Variants in HSPBAP1 observed in about 807,000 individuals in gnomAD.
HSPBAP1 encodes the protein HSPB1-associated protein 1.
HSPBAP1 carries 27 observed loss-of-function variants against 45.2 expected under a neutral mutation model. That is an observed-to-expected ratio of 0.60 (90% CI 0.44 to 0.82). The LOEUF is 0.82. Ranked by LOEUF, HSPBAP1 falls within the 40% of genes least tolerant of loss-of-function variation. The pLI is 0.00. For missense variants in HSPBAP1, 510 were observed against 590.9 expected (o/e 0.86, Z 1.42); for synonymous variants, 204 against 202.7 (o/e 1.01, Z -0.06).
intron 2 of HSPBAP1, among the ~76,000 whole-genome samples, chr3:122,772,463 A>C (rs1935036422): frequency 6.6e-6 from 1 of 152,194 alleles, no homozygotes; most frequent in Admixed American, 6.5e-5. Context: ...TATGCGGCCC[A>C]AAAACCGATG....
intron 3 of HSPBAP1, among the ~76,000 whole-genome samples, chr3:122,766,919 A>G (rs60087488): frequency 5.3e-5 from 8 of 152,202 alleles, no homozygotes; most frequent in Non-Finnish European, 1.2e-4. Flanking sequence ...AAGTAAGTAC[A>G]TGATCAATGT....
intron 1 of HSPBAP1, among the ~76,000 whole-genome samples, chr3:122,787,302 A>G (rs1014088146): frequency 6.6e-6 from 1 of 152,242 alleles, no homozygotes; most frequent in South Asian, 2.1e-4. Flanking sequence ...AATGTAAAGT[A>G]CAAGATAATT....
chr3:122,761,761 T>G (rs532068242), intron 3 of HSPBAP1: 2 of 141,360 alleles, frequency 1.4e-5, no homozygotes, highest in East Asian at 4.1e-4. Flanking sequence ...CACTCCAGCC[T>G]GAGTGCCTGA....
intron 6 of HSPBAP1, chr3:122,741,516 G>A (rs1364713507): frequency 5.8e-6 from 1 of 172,722 alleles, no homozygotes; most frequent in Admixed American, 5.5e-5. Flanking sequence ...AACATGCTTG[G>A]CTACAAGAAT....
In HSPBAP1 at chr3:122,742,083, C is replaced by T. The variant is rs114548142; in HGVS notation, c.826-970G>A. ...GAAACATGTACAAGAATATTCTGTT[C>T]ATAGAAGCAAAAAATTGAACACTGA... On this transcript the variant is annotated intron_variant, in intron 6 of 7. Coordinates refer to ENST00000306103, the MANE Select transcript of HSPBAP1 (RefSeq NM_024610.6). Among the ~76,000 whole-genome samples, 1,205 of 151,060 alleles carry T rather than the reference C, an allele frequency of 8.0e-3. 9 individuals are homozygous for T. The highest frequency in any genetic ancestry group is 0.026 in the African/African-American group (1,052 of 41,212).
intron 6 of HSPBAP1, among the ~76,000 whole-genome samples, chr3:122,746,976 G>A (rs980440137): frequency 6.6e-6 from 1 of 152,062 alleles, no homozygotes; most frequent in African/African-American, 2.4e-5. Flanking sequence ...CCAGGCTGGA[G>A]TGCAGTGGCG....
chr3:122,791,875 T>C (rs2107547938), intron 1 of HSPBAP1, among the ~76,000 whole-genome samples: 1 of 152,278 alleles, frequency 6.6e-6, no homozygotes, highest in Non-Finnish European at 1.5e-5. Flanking sequence ...GAATTTTACA[T>C]AAGGAAGAGT....
chr3:122,785,965 CT>C (rs1935642710), intron 1 of HSPBAP1, among the ~76,000 whole-genome samples: 1 of 151,996 alleles, frequency 6.6e-6, no homozygotes, highest in South Asian at 2.1e-4. Context: ...TGCCCTCATC[CT>C]TTTCTATATA....
intron 5 of HSPBAP1, chr3:122,753,851 T>C (rs924824466): frequency 3.0e-6 from 3 of 984,882 alleles, no homozygotes; most frequent in African/African-American, 1.7e-5. Context: ...ATGGATAGGA[T>C]GTAAGGAAAA....
At chr3:122,747,029 T>C (rs1298879381) in intron 6 of HSPBAP1, among the ~76,000 whole-genome samples, 3 of 152,132 alleles carry the variant, frequency 2.0e-5, no homozygotes, top group African/African-American at 7.2e-5. Flanking sequence ...GCCGCCTGCC[T>C]TGGCCTCCCA....
chr3:122,779,527 A>G (rs1003333970), intron 1 of HSPBAP1, among the ~76,000 whole-genome samples: 105 of 61,270 alleles, frequency 1.7e-3, no homozygotes, highest in African/African-American at 4.7e-3. Flanking sequence ...TTTATTTTTT[A>G]TTGATCATTC....
intron 6 of HSPBAP1, 142 bp downstream of exon 6, chr3:122,752,449 G>A (rs574508794): frequency 4.9e-5 from 27 of 549,474 alleles, no homozygotes; most frequent in Non-Finnish European, 5.1e-5. Context: ...GAATGCATAC[G>A]TTATAGTGCA....
chr3:122,751,570 T>C (rs1934137219), intron 6 of HSPBAP1, among the ~76,000 whole-genome samples: 1 of 152,206 alleles, frequency 6.6e-6, no homozygotes, highest in African/African-American at 2.4e-5. Context: ...TCAAATATTT[T>C]AAAAAGATGA....
intron 4 of HSPBAP1, chr3:122,758,844 G>A: frequency 2.2e-6 from 1 of 447,358 alleles, no homozygotes. Flanking sequence ...TCATGCCATT[G>A]CACTCCAGCC....
intron 4 of HSPBAP1, among the ~76,000 whole-genome samples, chr3:122,757,101 C>T (rs944933287): frequency 2.0e-5 from 3 of 151,854 alleles, no homozygotes; most frequent in Admixed American, 2.0e-4. Flanking sequence ...ATAATGATAA[C>T]CATCCCATCC....
chr3:122,785,840 T>TATAGATAGATAG (rs60587307), intron 1 of HSPBAP1, among the ~76,000 whole-genome samples: 12,882 of 151,610 alleles, frequency 0.085, 601 homozygotes, highest in Middle Eastern at 0.17. Flanking sequence ...AGTAGCCAAA[T>TATAGATAGATAG]ATAGATAGAT....
chr3:122,782,791 T>A (rs1935530402), intron 1 of HSPBAP1, among the ~76,000 whole-genome samples: 1 of 152,220 alleles, frequency 6.6e-6, no homozygotes, highest in Non-Finnish European at 1.5e-5. Context: ...CCCAACCTTC[T>A]TCTCTACGAT....
In HSPBAP1 at chr3:122,740,881, G is replaced by A. The variant is rs370824544; in HGVS notation, c.937-6C>T. ...GCATGGGACGTTTCCTCAACCTAAG[G>A]GAAGAGAAAAACCTTTTAAAATGGT... On this transcript the variant is annotated splice_region_variant and splice_polypyrimidine_tract_variant and intron_variant, in intron 7 of 7. Coordinates refer to ENST00000306103, the MANE Select transcript of HSPBAP1 (RefSeq NM_024610.6). The A allele has an allele frequency of 1.2e-6, 2 of 1,612,478 alleles. No homozygotes were observed. The highest frequency in any genetic ancestry group is 1.3e-5 in the African/African-American group (1 of 74,732).
chr3:122,750,925 CTG>C (rs1355747904), intron 6 of HSPBAP1, among the ~76,000 whole-genome samples: 11 of 152,080 alleles, frequency 7.2e-5, no homozygotes, highest in Non-Finnish European at 5.9e-5. Context: ...ACAGGGATGA[CTG>C]TGAAATACTG....
Sources: allele counts gnomAD v4.1 joint callset (sites outside exome capture counted in the v4.1 genomes callset), GRCh38; gene constraint gnomAD v4.1.1; transcripts MANE v1.5; gene names NCBI Gene and HGNC (gene_info 2026-07-23, HGNC 2026-07-21).